MIDEAS: variants seen among roughly 807,000 people sequenced by gnomAD.
MIDEAS encodes mitotic deacetylase associated SANT domain protein.
MIDEAS carries 26 observed loss-of-function variants against 102.7 expected under a neutral mutation model. The ratio of observed to expected loss-of-function variants is 0.25; its 90% CI spans 0.19 to 0.35. The LOEUF (loss-of-function observed/expected upper bound fraction) is 0.35. Among genes scored for constraint, MIDEAS ranks in the 10% least tolerant of loss-of-function variants. MIDEAS has a pLI of 1.00. For synonymous variants in MIDEAS, 585 were observed against 591.0 expected, an observed-to-expected ratio of 0.99 and a Z score of 0.15; for missense variants, 1,231 against 1,435.6, an observed-to-expected ratio of 0.86 and a Z score of 2.30.
intron 1 of MIDEAS, among the ~76,000 whole-genome samples, chr14:73,777,096 AG>A (rs2053698066): frequency 6.6e-6 from 1 of 151,760 alleles, no homozygotes; most frequent in African/African-American, 2.4e-5. Context: ...AATAAATAAA[AG>A]TTCAGAACCA....
chr14:73,774,756 A>G (rs1454562331), intron 1 of MIDEAS, among the ~76,000 whole-genome samples: 17 of 152,098 alleles, frequency 1.1e-4, no homozygotes, highest in Non-Finnish European at 1.5e-5. Context: ...CAGCCCCACC[A>G]GCAAGCACTA....
intron 1 of MIDEAS, among the ~76,000 whole-genome samples, chr14:73,771,387 G>A (rs896941103): frequency 7.2e-5 from 11 of 152,214 alleles, no homozygotes; most frequent in African/African-American, 2.7e-4. Context: ...CTCTCCAGCT[G>A]CCACCCACCT....
At chr14:73,736,918 A>G in intron 3 of MIDEAS, 80 bp downstream of exon 3, 3 of 1,402,048 alleles carry the variant, frequency 2.1e-6, no homozygotes, top group South Asian at 2.6e-5. Flanking sequence ...CTACATTGCC[A>G]TGTTCTCCTT....
chr14:73,780,996 T>C (rs1478021198), intron 1 of MIDEAS, among the ~76,000 whole-genome samples: 2 of 152,136 alleles, frequency 1.3e-5, no homozygotes, highest in Non-Finnish European at 2.9e-5. Flanking sequence ...AGTACTGCCT[T>C]AGGGAAACTG....
At chr14:73,740,518 C>T (rs1156993172) in intron 1 of MIDEAS, among the ~76,000 whole-genome samples, 1 of 152,238 alleles carries the variant, frequency 6.6e-6, no homozygotes, top group Non-Finnish European at 1.5e-5. Flanking sequence ...GGTTCCGCTC[C>T]AGGACTGCCT....
rs878963286 is a variant in MIDEAS, at chr14:73,738,674, C to T, written c.1335G>A (p.Val445=). Reference sequence around the variant, plus strand: ...TGCTCTGGATCACTCCGCCCCGTAGCACCTGCCCACAGTCCCCTGTGCTCA... The same window carrying T: ...TGCTCTGGATCACTCCGCCCCGTAGTACCTGCCCACAGTCCCCTGTGCTCA... ...RAVSTGDCGQ[V]LRGGVIQSTR... The change falls in exon 2 of 13, where the codon GTG becomes GTA. Residue 445 remains valine (V), a synonymous_variant. Transcript: ENST00000423556. 3 of 1,613,804 alleles carry T rather than the reference C, an allele frequency of 1.9e-6. No individual in the cohort carries two copies. The South Asian group carries it at 3.3e-5, about 18-fold the overall frequency.
Position 73,739,537 on chromosome 14 carries a change from A to G in MIDEAS, c.472T>C (p.Tyr158His). ...TTCAGTGCCTCAGGGTGGTTATAGTAAGTCGGGACTCCCACTCCAGGATGC... is the reference window on the plus strand; with the variant it reads ...TTCAGTGCCTCAGGGTGGTTATAGTGAGTCGGGACTCCCACTCCAGGATGC... ...SPHPGVGVPT[Y>H]YNHPEALKRE... Residue 158 changes from tyrosine (Y) to histidine (H), a missense_variant, in exon 2 of 13, where the codon TAC becomes CAC. By Grantham distance (83) the Tyr-to-His change is moderately conservative. Transcript: ENST00000423556. 1 of 1,614,070 alleles carries G rather than the reference A, an allele frequency of 6.2e-7. No individual in the cohort carries two copies. Among genetic ancestry groups the G allele is most frequent in the East Asian group, 2.2e-5 (1 of 44,878 alleles).
At chr14:73,761,100 C>T (rs1278079907), upstream of MIDEAS, among the ~76,000 whole-genome samples, 2 of 151,820 alleles carry the variant, frequency 1.3e-5, no homozygotes, top group Admixed American at 6.6e-5. Context: ...GTGGTGGCGG[C>T]GGCGGTGGTG....
upstream of MIDEAS, among the ~76,000 whole-genome samples, chr14:73,789,580 C>T (rs1190246439): frequency 6.6e-6 from 1 of 152,156 alleles, no homozygotes; most frequent in African/African-American, 2.4e-5. Context: ...ATTACATGGC[C>T]ACAAATAACA....
At chr14:73,777,859 A>T (rs889454417) in intron 1 of MIDEAS, among the ~76,000 whole-genome samples, 2 of 152,056 alleles carry the variant, frequency 1.3e-5, no homozygotes, top group East Asian at 3.9e-4. Flanking sequence ...ACACCTTGAC[A>T]TTGATACCTG....
At chr14:73,728,666 ACCTTGC>A (rs1009166740) in intron 4 of MIDEAS, 22 of 152,098 alleles carry the variant, frequency 1.4e-4, no homozygotes, top group African/African-American at 5.1e-4. Flanking sequence ...CTCCCTAATG[ACCTTGC>A]ATTCTCTATA....
At position 73,756,220 on chromosome 14, in the gene MIDEAS, C is replaced by A. The variant is rs114575564; in HGVS notation, c.-248+3543G>T. 3.2e-3 allele frequency among the ~76,000 whole-genome samples: 492 copies of A among 152,020 alleles called. 6 individuals are homozygous for A. Among genetic ancestry groups the A allele is most frequent in the African/African-American group, 0.011 (467 of 41,396 alleles). Reference sequence around the variant, plus strand: ...GAGGCCTCCAGAATCTGAACTGATGCTCCAACTATTATTGCTCCCAAGTGT... The same window carrying A: ...GAGGCCTCCAGAATCTGAACTGATGATCCAACTATTATTGCTCCCAAGTGT... On this transcript the variant is annotated intron_variant, in intron 1 of 12. Coordinates refer to ENST00000423556, the MANE Select transcript of MIDEAS (RefSeq NM_001367710.1).
chr14:73,782,246 G>C (rs913514212), intron 1 of MIDEAS, among the ~76,000 whole-genome samples: 2 of 152,072 alleles, frequency 1.3e-5, no homozygotes, highest in Admixed American at 6.5e-5. Flanking sequence ...GTTCAGCCAG[G>C]ATCTCCCCAA....
At chr14:73,776,854 C>T (rs1002136503) in intron 1 of MIDEAS, among the ~76,000 whole-genome samples, 2 of 151,796 alleles carry the variant, frequency 1.3e-5, no homozygotes, top group Non-Finnish European at 2.9e-5. Context: ...GGGTGGATCA[C>T]AAGGTCAGGA....
At chr14:73,756,267 A>AGAGTGTGTGTGTGTGTGT (rs1555344782) in intron 1 of MIDEAS, among the ~76,000 whole-genome samples, 1 of 141,038 alleles carries the variant, frequency 7.1e-6, no homozygotes, top group African/African-American at 2.6e-5. Flanking sequence ...AGCCCATGTC[A>AGAGTGTGTGTGTGTGTGT]GTGTGTGTGT....
intron 7 of MIDEAS, 135 bp downstream of exon 7, chr14:73,726,469 A>T: frequency 1.2e-6 from 1 of 841,328 alleles, no homozygotes; most frequent in Non-Finnish European, 1.8e-6. Context: ...TCAAGCCCCT[A>T]CAGCCCCTTC....
intron 9 of MIDEAS, chr14:73,724,734 G>A (rs1428391263): frequency 6.3e-6 from 1 of 159,220 alleles, no homozygotes; most frequent in Non-Finnish European, 1.4e-5. Flanking sequence ...CTGGAAAGAT[G>A]CAATTCCTTG....
intron 1 of MIDEAS, among the ~76,000 whole-genome samples, chr14:73,781,353 GATTT>G (rs950854701): frequency 3.3e-5 from 5 of 152,158 alleles, no homozygotes; most frequent in Admixed American, 2.6e-4. Context: ...AAAAAATGTT[GATTT>G]ATTAAACTCA....
rs185894295 is a variant in MIDEAS, at chr14:73,773,861, G to A, written c.-248+13241C>T. On this transcript the variant is annotated intron_variant, in intron 1 of 11. Transcript: ENST00000394071. ...AATATGGTAAAACCCTGTCTCTACT[G>A]AAATACAAAAATGAGCTGGGCATGG... Among the ~76,000 whole-genome samples the A allele has an allele frequency of 2.6e-3, 393 of 151,546 alleles. 1 individual carries two copies. The highest frequency in any genetic ancestry group is 8.6e-3 in the African/African-American group (355 of 41,426).
Sources: allele counts gnomAD v4.1 joint callset (sites outside exome capture counted in the v4.1 genomes callset), GRCh38; gene constraint gnomAD v4.1.1; transcripts MANE v1.5; gene names NCBI Gene and HGNC (gene_info 2026-07-23, HGNC 2026-07-21).